The following AGBL4 variants were observed in gnomAD, a reference collection of about 807,000 sequenced individuals.
The protein encoded by AGBL4 is AGBL carboxypeptidase 4, also known as cytosolic carboxypeptidase 6.
In AGBL4, 58 loss-of-function variants were observed where a neutral mutation model predicts 66.4. That is an observed-to-expected ratio of 0.87 (90% CI 0.71 to 1.09). The LOEUF is 1.09. Ranked by LOEUF, AGBL4 falls within the 50% of genes least tolerant of loss-of-function variation. The probability of loss-of-function intolerance (pLI) is 0.00; values close to 1 mark genes in which losing one functional copy is unlikely to be tolerated. For synonymous variants in AGBL4, 234 were observed against 222.9 expected (o/e 1.05, Z -0.44); for missense variants, 579 against 631.0 (o/e 0.92, Z 0.88).
chr1:48,591,047 A>T, intron 9 of AGBL4, 62 bp from the exon 10 acceptor site: 1 of 1,461,110 alleles, frequency 6.8e-7, no homozygotes, highest in South Asian at 1.3e-5. Flanking sequence ...ATAAGGGACC[A>T]GACACTACAC....
At chr1:49,107,694 T>TGTGA (rs764451269) in intron 4 of AGBL4, among the ~76,000 whole-genome samples, 327 of 113,988 alleles carry the variant, frequency 2.9e-3, no homozygotes, top group African/African-American at 0.01. Flanking sequence ...TGTGTGTGTG[T>TGTGA]GAGAGAGAGA....
chr1:48,752,991 G>A (rs1227088314), intron 6 of AGBL4, among the ~76,000 whole-genome samples: 6 of 151,970 alleles, frequency 3.9e-5, no homozygotes, highest in Admixed American at 1.3e-4. Flanking sequence ...CTCGTGATCC[G>A]CCTGCCTCGG....
intron 5 of AGBL4, among the ~76,000 whole-genome samples, chr1:48,933,087 A>G (rs996079690): frequency 6.6e-6 from 1 of 152,142 alleles, no homozygotes; most frequent in African/African-American, 2.4e-5. Flanking sequence ...TTTCAAATAT[A>G]TTACCATCCC....
intron 1 of AGBL4, among the ~76,000 whole-genome samples, chr1:49,975,613 A>G (rs1019007749): frequency 2.0e-5 from 3 of 152,148 alleles, no homozygotes; most frequent in African/African-American, 7.2e-5. Context: ...CACTTCCCAT[A>G]TTGGAAATAT....
At chr1:49,980,991 T>C (rs1659011369) in intron 1 of AGBL4, among the ~76,000 whole-genome samples, 1 of 152,196 alleles carries the variant, frequency 6.6e-6, no homozygotes, top group African/African-American at 2.4e-5. Context: ...ATTTATGTCA[T>C]TTGCACTTGG....
chr1:49,222,511 T>C (rs1020962558), intron 4 of AGBL4, among the ~76,000 whole-genome samples: 1 of 152,218 alleles, frequency 6.6e-6, no homozygotes, highest in African/African-American at 2.4e-5. Flanking sequence ...TTCCCTAAAA[T>C]GAGCTCATGT....
intron 3 of AGBL4, among the ~76,000 whole-genome samples, chr1:49,673,620 G>T (rs1391105917): frequency 1.3e-5 from 2 of 151,746 alleles, no homozygotes; most frequent in African/African-American, 4.8e-5. Context: ...TATTAAAAAA[G>T]AAAATTCCCC....
At chr1:49,095,223 T>C (rs1304618157) in intron 4 of AGBL4, among the ~76,000 whole-genome samples, 1 of 152,166 alleles carries the variant, frequency 6.6e-6, no homozygotes, top group Non-Finnish European at 1.5e-5. Context: ...TGCTCATGGG[T>C]AGGAAGAATC....
chr1:48,869,925 T>A (rs9660009), intron 5 of AGBL4, among the ~76,000 whole-genome samples: 61,489 of 151,900 alleles, frequency 0.4, 13,523 homozygotes, highest in East Asian at 0.71. Flanking sequence ...TCAGTACATG[T>A]CACAGAGTAC....
chr1:48,571,451 C>T (rs1441014098), intron 11 of AGBL4, among the ~76,000 whole-genome samples: 1 of 152,246 alleles, frequency 6.6e-6, no homozygotes, highest in Non-Finnish European at 1.5e-5. Context: ...AGCTAGACTT[C>T]AGACAGCTGC....
rs1023427792 is a variant in AGBL4 at position 49,497,414 on chromosome 1, G to C, written c.282+199899C>G. 1.3e-4 allele frequency among the ~76,000 whole-genome samples: 20 copies of C among 151,836 alleles called. No individual in the cohort carries two copies. In the East Asian group the frequency reaches 3.7e-3, roughly 28 times the overall value. On this transcript the variant is annotated intron_variant, in intron 3 of 13. Coordinates refer to ENST00000371839, the MANE Select transcript of AGBL4 (RefSeq NM_032785.4). ...TTTTCAATTTTGATGCCTGTGTTTT[G>C]GGGTCATATCCAAAAAATCCTTGCC...
intron 1 of AGBL4, among the ~76,000 whole-genome samples, chr1:49,924,468 C>T (rs1652569907): frequency 1.3e-5 from 2 of 151,966 alleles, no homozygotes; most frequent in Non-Finnish European, 1.5e-5. Flanking sequence ...GTTACCTAAT[C>T]CAAATATAAA....
intron 5 of AGBL4, among the ~76,000 whole-genome samples, chr1:48,912,716 C>A (rs1445586642): frequency 6.6e-6 from 1 of 152,184 alleles, no homozygotes; most frequent in Admixed American, 6.5e-5. Flanking sequence ...AATGAAACCT[C>A]ATGTCTTGTT....
intron 3 of AGBL4, among the ~76,000 whole-genome samples, chr1:49,331,377 C>T (rs1645330545): frequency 6.6e-6 from 1 of 152,138 alleles, no homozygotes; most frequent in South Asian, 2.1e-4. Context: ...AGGGTAGTGC[C>T]TGCCTCAGAA....
chr1:49,717,927 T>C (rs902591945), intron 2 of AGBL4, among the ~76,000 whole-genome samples: 1 of 152,088 alleles, frequency 6.6e-6, no homozygotes, highest in Non-Finnish European at 1.5e-5. Context: ...AATATATCAG[T>C]CCTTGCTATC....
chr1:49,257,907 A>AC (rs1260532867), intron 3 of AGBL4, among the ~76,000 whole-genome samples: 2 of 151,778 alleles, frequency 1.3e-5, no homozygotes, highest in Non-Finnish European at 1.5e-5. Flanking sequence ...ACTGGGAGGC[A>AC]CCCCCCAGTA....
At chr1:49,034,829 C>T (rs568906400) in intron 5 of AGBL4, among the ~76,000 whole-genome samples, 1 of 152,164 alleles carries the variant, frequency 6.6e-6, no homozygotes, top group Admixed American at 6.5e-5. Context: ...GTCAATTAAA[C>T]CTCTTTCCCT....
chr1:49,863,299 A>AGGT (rs1646619932), intron 1 of AGBL4, among the ~76,000 whole-genome samples: 1 of 152,208 alleles, frequency 6.6e-6, no homozygotes, highest in Non-Finnish European at 1.5e-5. Flanking sequence ...AAATTGGTTA[A>AGGT]ATACCTTAAG....
intron 10 of AGBL4, among the ~76,000 whole-genome samples, chr1:48,587,940 A>G (rs72679380): frequency 0.14 from 21,688 of 152,170 alleles, 1,657 homozygotes; most frequent in South Asian, 0.19. Flanking sequence ...AAAGAAAAAA[A>G]GTAAAACAAA....
Sources: allele counts gnomAD v4.1 joint callset (sites outside exome capture counted in the v4.1 genomes callset), GRCh38; gene constraint gnomAD v4.1.1; transcripts MANE v1.5; gene names NCBI Gene and HGNC (gene_info 2026-07-23, HGNC 2026-07-21).